Variants in SLC44A5 observed in about 807,000 individuals in gnomAD.
The protein encoded by SLC44A5 is choline transporter-like protein 5.
In SLC44A5, 57 loss-of-function variants were observed where a neutral mutation model predicts 101.8. The observed-to-expected ratio is 0.56, with a 90% CI of 0.45 to 0.70. The LOEUF is 0.70. Ranked by LOEUF, SLC44A5 falls within the 30% of genes least tolerant of loss-of-function variation. The probability of loss-of-function intolerance (pLI) is 0.00; values close to 1 mark genes in which losing one functional copy is unlikely to be tolerated. For missense variants in SLC44A5, 737 were observed against 853.1 expected (o/e 0.86, Z 1.70); for synonymous variants, 281 against 290.9 (o/e 0.97, Z 0.35).
intron 5 of SLC44A5, 27 bp from the exon 6 acceptor site, chr1:75,275,069 G>T (rs769906533): frequency 6.3e-7 from 1 of 1,590,582 alleles, no homozygotes; most frequent in South Asian, 1.1e-5. Context: ...GGACAAATAT[G>T]CTATCAGCAA....
At chr1:75,493,149 T>A (rs548557843) in intron 2 of SLC44A5, among the ~76,000 whole-genome samples, 1 of 152,308 alleles carries the variant, frequency 6.6e-6, no homozygotes, top group East Asian at 1.9e-4. Context: ...CAGCGTCATG[T>A]TTGCCCTTTA....
the SLC44A5 span, among the ~76,000 whole-genome samples, chr1:75,631,828 C>T: frequency 2.6e-5 from 4 of 151,946 alleles, no homozygotes; most frequent in African/African-American, 9.7e-5. Context: ...TGAGCCACTG[C>T]GCCCAGCCAA....
At chr1:75,655,562 A>T in the SLC44A5 span, among the ~76,000 whole-genome samples, 1 of 152,334 alleles carries the variant, frequency 6.6e-6, no homozygotes, top group Middle Eastern at 3.4e-3. Flanking sequence ...CTAGGGGTAC[A>T]ACCCAGCATG....
intron 3 of SLC44A5, among the ~76,000 whole-genome samples, chr1:75,359,806 C>G (rs1570770253): frequency 6.6e-6 from 1 of 152,096 alleles, no homozygotes; most frequent in African/African-American, 2.4e-5. Flanking sequence ...ACAGGGTTTG[C>G]TTTTCTCTAC....
At chr1:75,551,941 G>A (rs1022576459) in intron 1 of SLC44A5, among the ~76,000 whole-genome samples, 2 of 151,974 alleles carry the variant, frequency 1.3e-5, no homozygotes, top group African/African-American at 4.8e-5. Context: ...CACTTTTTGT[G>A]CTCCATCTCA....
At chr1:75,306,093 T>G (rs1209016540) in intron 4 of SLC44A5, among the ~76,000 whole-genome samples, 1 of 152,214 alleles carries the variant, frequency 6.6e-6, no homozygotes, top group Non-Finnish European at 1.5e-5. Context: ...TATGTAAAAT[T>G]CAAACTTGCA....
chr1:75,454,513 C>T (rs1000457277), intron 2 of SLC44A5, among the ~76,000 whole-genome samples: 5 of 152,062 alleles, frequency 3.3e-5, no homozygotes, highest in African/African-American at 1.2e-4. Context: ...ACTTTTACCA[C>T]TCCTAGTCAA....
At chr1:75,654,399 G>GTCACAA in the SLC44A5 span, among the ~76,000 whole-genome samples, 1 of 152,130 alleles carries the variant, frequency 6.6e-6, no homozygotes. Flanking sequence ...AACAAATATA[G>GTCACAA]TCACAATCAT....
At chr1:75,326,262 C>CT (rs35059170) in intron 4 of SLC44A5, among the ~76,000 whole-genome samples, 8,358 of 144,022 alleles carry the variant, frequency 0.058, 268 homozygotes, top group Middle Eastern at 0.13. Context: ...ATTCTTACTG[C>CT]TTTTTTTTTT....
chr1:75,679,379 T>A, the SLC44A5 span, among the ~76,000 whole-genome samples: 1 of 152,176 alleles, frequency 6.6e-6, no homozygotes, highest in East Asian at 1.9e-4. Context: ...CGGGTTACCC[T>A]CAAAGGGAAG....
At chr1:75,328,471 C>T (rs1656776999) in intron 4 of SLC44A5, among the ~76,000 whole-genome samples, 1 of 152,070 alleles carries the variant, frequency 6.6e-6, no homozygotes, top group Non-Finnish European at 1.5e-5. Flanking sequence ...AATGAAATAT[C>T]AAGATACTGT....
At chr1:75,335,586 T>C (rs1280709253) in intron 4 of SLC44A5, among the ~76,000 whole-genome samples, 1 of 152,188 alleles carries the variant, frequency 6.6e-6, no homozygotes, top group Non-Finnish European at 1.5e-5. Context: ...GGTGCCCTAA[T>C]CTGGAGAGTT....
At chr1:75,610,136 TACACACACACACACACAC>T (rs144198306) in intron 1 of SLC44A5, among the ~76,000 whole-genome samples, 2 of 144,316 alleles carry the variant, frequency 1.4e-5, no homozygotes, top group African/African-American at 2.6e-5. Context: ...AGTCAAGAAA[TACACACACACACACACAC>T]ACACACACAC....
chr1:75,238,157 T>G (rs1648275734), intron 10 of SLC44A5, among the ~76,000 whole-genome samples: 1 of 149,964 alleles, frequency 6.7e-6, no homozygotes, highest in African/African-American at 2.5e-5. Flanking sequence ...TCTTTTATTT[T>G]CCTTTTTTTT....
At chr1:75,426,011 C>A (rs1429888548) in intron 2 of SLC44A5, among the ~76,000 whole-genome samples, 1 of 151,796 alleles carries the variant, frequency 6.6e-6, no homozygotes, top group Non-Finnish European at 1.5e-5. Context: ...GAGAATGATG[C>A]CTGAGGGTTC....
intron 6 of SLC44A5, among the ~76,000 whole-genome samples, chr1:75,258,966 A>G (rs1172645397): frequency 6.6e-6 from 1 of 152,136 alleles, no homozygotes. Context: ...TAACAAACAG[A>G]AAAGAACAGT....
chr1:75,693,191 T>C, the SLC44A5 span, among the ~76,000 whole-genome samples: 1 of 152,164 alleles, frequency 6.6e-6, no homozygotes, highest in Non-Finnish European at 1.5e-5. Context: ...GGACAGTTAG[T>C]CAGGAATTCT....
intron 2 of SLC44A5, among the ~76,000 whole-genome samples, chr1:75,413,052 A>G (rs1379504584): frequency 1.3e-5 from 2 of 152,202 alleles, no homozygotes; most frequent in African/African-American, 2.4e-5. Context: ...AAGGGTGAGT[A>G]TAGTACAATA....
the SLC44A5 span, among the ~76,000 whole-genome samples, chr1:75,638,002 T>C: frequency 6.6e-6 from 1 of 152,082 alleles, no homozygotes; most frequent in African/African-American, 2.4e-5. Flanking sequence ...GCAGTTGACA[T>C]AGTTTTGCCA....
Sources: allele counts gnomAD v4.1 joint callset (sites outside exome capture counted in the v4.1 genomes callset), GRCh38; gene constraint gnomAD v4.1.1; transcripts MANE v1.5; gene names NCBI Gene and HGNC (gene_info 2026-07-23, HGNC 2026-07-21).